Variants in RASA1 observed in about 807,000 individuals in gnomAD.
The protein encoded by RASA1 is ras GTPase-activating protein 1.
A neutral mutation model predicts 132.2 loss-of-function variants in RASA1; 25 were observed. That is an observed-to-expected ratio of 0.19 (90% CI 0.14 to 0.26). RASA1 has a LOEUF of 0.26. Among genes scored for constraint, RASA1 ranks in the 10% least tolerant of loss-of-function variants. The pLI is 1.00. For synonymous variants in RASA1, 477 were observed against 449.9 expected (o/e 1.06, Z -0.76); for missense variants, 964 against 1,299.2 (o/e 0.74, Z 3.97).
chr5:87,289,306 G>T (rs1754812318), intron 1 of RASA1, among the ~76,000 whole-genome samples: 1 of 152,086 alleles, frequency 6.6e-6, no homozygotes, highest in Admixed American at 6.5e-5. Flanking sequence ...CCTAAGTTTG[G>T]ACTTGGTTAA....
chr5:87,371,978 AAGTAC>A (rs1468263103), intron 12 of RASA1, 135 bp from the exon 13 acceptor site: 23 of 584,058 alleles, frequency 3.9e-5, no homozygotes, highest in Non-Finnish European at 5.5e-5. Flanking sequence ...TATTGTTATG[AAGTAC>A]AGTATAGTCT....
chr5:87,373,402 G>C (rs1761093189), intron 13 of RASA1, among the ~76,000 whole-genome samples: 1 of 152,100 alleles, frequency 6.6e-6, no homozygotes. Context: ...TACGGGACTT[G>C]AGCATCTTGG....
rs545965643 is a variant in RASA1, at chr5:87,347,601, T to C, written c.1102+877T>C. Among the ~76,000 whole-genome samples, 3 of 152,122 alleles carry C rather than the reference T, an allele frequency of 2.0e-5. No homozygotes were observed. In the East Asian group the frequency reaches 5.8e-4, roughly 29 times the overall value. ...AATTATAGAGGTAATCTGAATTGTT[T>C]TAATCCATAAAGCACTGCATTTTAA... On this transcript the variant is annotated intron_variant, in intron 7 of 24. Coordinates refer to ENST00000274376, the MANE Select transcript of RASA1 (RefSeq NM_002890.3).
intron 13 of RASA1, among the ~76,000 whole-genome samples, chr5:87,373,500 T>C (rs866840809): frequency 1.3e-5 from 2 of 152,226 alleles, no homozygotes; most frequent in Middle Eastern, 3.4e-3. Context: ...GTAATACTTA[T>C]TACAACCTGT....
intron 9 of RASA1, among the ~76,000 whole-genome samples, chr5:87,355,405 A>G (rs1314778936): frequency 6.6e-6 from 1 of 152,162 alleles, no homozygotes; most frequent in African/African-American, 2.4e-5. Context: ...TGTCAATGGA[A>G]CTACAAAGCC....
At chr5:87,344,074 GC>G (rs1758669556) in intron 6 of RASA1, among the ~76,000 whole-genome samples, 1 of 152,146 alleles carries the variant, frequency 6.6e-6, no homozygotes, top group African/African-American at 2.4e-5. Flanking sequence ...GGGAAGGGTA[GC>G]AGGGAAGGGG....
intron 11 of RASA1, 75 bp downstream of exon 11, chr5:87,363,579 T>C: frequency 6.7e-7 from 1 of 1,495,976 alleles, no homozygotes; most frequent in East Asian, 2.3e-5. Flanking sequence ...CAAACCAATT[T>C]TGAGAGCCCT....
intron 1 of RASA1, among the ~76,000 whole-genome samples, chr5:87,270,241 C>T (rs935886998): frequency 1.7e-5 from 1 of 60,010 alleles, no homozygotes; most frequent in South Asian, 6.2e-4. Flanking sequence ...GACTCTGTCT[C>T]AAAAAAAAAA....
chr5:87,319,405 A>G (rs1020850975), intron 1 of RASA1, among the ~76,000 whole-genome samples: 3 of 152,168 alleles, frequency 2.0e-5, no homozygotes, highest in Admixed American at 1.3e-4. Context: ...TCCTGCCTGG[A>G]CATCCAGGCA....
chr5:87,366,963 A>T (rs1379886224), intron 11 of RASA1, among the ~76,000 whole-genome samples: 1 of 152,216 alleles, frequency 6.6e-6, no homozygotes, highest in African/African-American at 2.4e-5. Context: ...GCCCAGGCTC[A>T]CAACTGCCAG....
At chr5:87,328,216 T>C (rs1260386142) in intron 1 of RASA1, among the ~76,000 whole-genome samples, 1 of 152,206 alleles carries the variant, frequency 6.6e-6, no homozygotes, top group East Asian at 1.9e-4. Flanking sequence ...TTAACTTAGA[T>C]GATGAGCTAT....
intron 4 of RASA1, 59 bp downstream of exon 4, chr5:87,333,396 A>T: frequency 6.2e-7 from 1 of 1,601,180 alleles, no homozygotes. Context: ...TCGAAGATTT[A>T]TTACTCTTGG....
At chr5:87,358,257 G>T (rs1017748933) in intron 9 of RASA1, among the ~76,000 whole-genome samples, 5 of 152,098 alleles carry the variant, frequency 3.3e-5, no homozygotes, top group African/African-American at 1.2e-4. Context: ...GGGTCCTTTT[G>T]AGACAATATA....
chr5:87,342,671 T>C (rs747175590), intron 6 of RASA1, among the ~76,000 whole-genome samples: 1 of 152,170 alleles, frequency 6.6e-6, no homozygotes, highest in Non-Finnish European at 1.5e-5. Flanking sequence ...GCAACTAATA[T>C]TCACTCACGG....
intron 9 of RASA1, among the ~76,000 whole-genome samples, chr5:87,359,490 A>ATT (rs1388797117): frequency 6.6e-6 from 1 of 152,104 alleles, no homozygotes; most frequent in African/African-American, 2.4e-5. Context: ...CTTTAATATG[A>ATT]TTTTTAAAAG....
chr5:87,307,606 C>T (rs1755679114), intron 1 of RASA1, among the ~76,000 whole-genome samples: 2 of 152,024 alleles, frequency 1.3e-5, no homozygotes, highest in African/African-American at 2.4e-5. Flanking sequence ...TTTGTGTTTT[C>T]CTGTATTTTC....
intron 1 of RASA1, among the ~76,000 whole-genome samples, chr5:87,271,449 CTTCTTTTTTTTT>C (rs1397003389): frequency 1.5e-5 from 1 of 67,492 alleles, no homozygotes; most frequent in African/African-American, 6.5e-5. Flanking sequence ...TTTTAGTAGA[CTTCTTTTTTTTT>C]TTTTTTTTTT....
chr5:87,366,177 T>A (rs560327684), intron 11 of RASA1, among the ~76,000 whole-genome samples: 69 of 152,278 alleles, frequency 4.5e-4, no homozygotes, highest in Non-Finnish European at 9.1e-4. Flanking sequence ...TCTTGACAGT[T>A]TATGGATTTA....
chr5:87,385,536 G>A (rs1762005757), intron 22 of RASA1, 147 bp downstream of exon 22: 1 of 686,160 alleles, frequency 1.5e-6, no homozygotes, highest in African/African-American at 1.8e-5. Flanking sequence ...TTTTAAAGTA[G>A]CTTGTTTAAA....
Sources: gnomAD v4.1 joint callset for allele counts (sites outside exome capture counted in the v4.1 genomes callset) on GRCh38, gnomAD v4.1.1 for gene constraint, MANE v1.5 for transcripts, NCBI Gene and HGNC (gene_info 2026-07-23, HGNC 2026-07-21) for gene names.